Variants in HMGB4 observed in about 807,000 individuals in gnomAD.
The protein encoded by HMGB4 is high mobility group protein B4.
For synonymous variants in HMGB4, 82 were observed against 84.9 expected (o/e 0.97, Z 0.19); for missense variants, 217 against 220.4 (o/e 0.98, Z 0.10).
chr1:33,860,476 A>G (rs1336176105), upstream of HMGB4: 1 of 152,188 alleles, frequency 6.6e-6, no homozygotes, highest in Non-Finnish European at 1.5e-5. Flanking sequence ...ACTTGGTTAA[A>G]GTGGTGTCTG....
chr1:33,862,696 C>T (rs1639631541), upstream of HMGB4, among the ~76,000 whole-genome samples: 1 of 152,146 alleles, frequency 6.6e-6, no homozygotes, highest in Admixed American at 6.5e-5. Flanking sequence ...ACAACTACAG[C>T]TTGTCCCCTG....
chr1:33,864,658 A>T lies in HMGB4; in HGVS notation c.467A>T (p.Glu156Val), dbSNP rs1005321301. The T allele has an allele frequency of 6.2e-7, 1 of 1,613,994 alleles. No homozygotes were observed. The highest frequency in any genetic ancestry group is 8.5e-7 in the Non-Finnish European group (1 of 1,180,000). Residue 156 changes from glutamate to valine, a missense_variant, in exon 1 of 1, where the codon GAA becomes GTA. Physicochemically the swap from Glu to Val is moderately radical, Grantham distance 121. Coordinates refer to ENST00000681531, the MANE Select transcript of HMGB4 (RefSeq NM_001379301.1). ...VALLRAKYFE[E>V]LELYRKQCNA... ...CTCCTGAGAGCTAAGTACTTCGAGG[A>T]ACTTGAACTCTACCGTAAACAATGT...
chr1:33,863,310 C>T (rs1453030970), upstream of HMGB4: 1 of 152,136 alleles, frequency 6.6e-6, no homozygotes, highest in Non-Finnish European at 1.5e-5. Flanking sequence ...AGAAGCCGGC[C>T]AGTTTGAGTG....
chr1:33,862,343 C>CTGTGTGTGTGTGTGTGTGTGTGTGTGTG (rs10610868), upstream of HMGB4: 4 of 114,004 alleles, frequency 3.5e-5, 1 homozygote, highest in Non-Finnish European at 7.3e-5. Flanking sequence ...ATAAGCTACT[C>CTGTGTGTGTGTGTGTGTGTGTGTGTGTG]TGTGTGTGTG....
chr1:33,864,731 G>C lies in HMGB4; in HGVS notation c.540G>C (p.Gly180=). Reference sequence around the variant, plus strand: ...TGTCAGCTAGAAACCGGTGCAGAGGGAAAAGAGTCAGGCAGAGCTGATGGA... The same window carrying C: ...TGTCAGCTAGAAACCGGTGCAGAGGCAAAAGAGTCAGGCAGAGCTGATGGA... ...YRMSARNRCR[G]KRVRQS Residue 180 remains glycine, a synonymous_variant, in exon 1 of 1, where the codon GGG becomes GGC. Transcript: ENST00000681531. 1 of 1,610,858 alleles carries C rather than the reference G, an allele frequency of 6.2e-7. No homozygotes were observed. Among genetic ancestry groups the C allele is most frequent in the African/African-American group, 1.3e-5 (1 of 74,754 alleles).
At chr1:33,863,767 C>A (rs1264153156), upstream of HMGB4, 4 of 166,936 alleles carry the variant, frequency 2.4e-5, no homozygotes, top group Admixed American at 1.8e-4. Flanking sequence ...GGAAGGCAGA[C>A]CCCATGGCCT....
chr1:33,860,843 T>C (rs1213283298), upstream of HMGB4: 1 of 152,212 alleles, frequency 6.6e-6, no homozygotes, highest in African/African-American at 2.4e-5. Flanking sequence ...GTCTGGACAG[T>C]GTTTTTCAAA....
chr1:33,863,462 C>A (rs537148520), upstream of HMGB4: 4 of 152,206 alleles, frequency 2.6e-5, no homozygotes, highest in Non-Finnish European at 4.4e-5. Flanking sequence ...GTTCTCCCCC[C>A]TCTTTCGCCT....
chr1:33,863,839 G>T (rs949710035), upstream of HMGB4: 3 of 196,290 alleles, frequency 1.5e-5, no homozygotes, highest in Non-Finnish European at 3.1e-5. Context: ...CCTCCAGGAA[G>T]CCAAGGAGAA....
chr1:33,863,307 G>A (rs186295373), upstream of HMGB4: 7 of 152,274 alleles, frequency 4.6e-5, no homozygotes, highest in African/African-American at 1.2e-4. Context: ...GCCAGAAGCC[G>A]GCCAGTTTGA....
chr1:33,862,966 A>T (rs1404341727), upstream of HMGB4: 1 of 152,210 alleles, frequency 6.6e-6, no homozygotes, highest in African/African-American at 2.4e-5. Flanking sequence ...AGCTGCTGAG[A>T]CCACATATCT....
upstream of HMGB4, among the ~76,000 whole-genome samples, chr1:33,861,815 G>A (rs1298870503): frequency 6.6e-6 from 1 of 152,186 alleles, no homozygotes; most frequent in Admixed American, 6.5e-5. Flanking sequence ...GAAGGAGAGA[G>A]TCATTTAGAG....
At position 33,864,459 on chromosome 1, in the gene HMGB4, C is replaced by T. The variant is rs747612103; in HGVS notation, c.268C>T (p.Pro90Ser). The T allele has an allele frequency of 6.2e-7, 1 of 1,613,758 alleles. No homozygotes were observed. Among genetic ancestry groups the T allele is most frequent in the South Asian group, 1.1e-5 (1 of 91,080 alleles). ...GAGGAAGAAACGGAGAAAGCGGGAT[C>T]CCCAGGAACCCAGACGGCCTCCATC... ...GKRKKRRKRD[P>S]QEPRRPPSSF... Residue 90 changes from proline (P) to serine (S), a missense_variant, in exon 1 of 1, where the codon CCC becomes TCC. Physicochemically the swap from Pro to Ser is moderately conservative, Grantham distance 74 (BLOSUM62 -1). Transcript: ENST00000681531.
upstream of HMGB4, chr1:33,863,145 G>T (rs374202941): frequency 6.6e-6 from 1 of 152,156 alleles, no homozygotes; most frequent in Non-Finnish European, 1.5e-5. Context: ...ATAAATTTGG[G>T]GCTATCATCA....
In HMGB4 at chr1:33,864,713, T is replaced by C. The variant is rs775804375; in HGVS notation, c.522T>C (p.Ala174=). Residue 174 remains alanine, a synonymous_variant, in exon 1 of 1, where the codon GCT becomes GCC. Transcript: ENST00000681531. ...CCAGGAAGAAGTACCGAATGTCAGC[T>C]AGAAACCGGTGCAGAGGGAAAAGAG... The part of the protein sequence containing the change: ...CNARKKYRMS[A]RNRCRGKRVR... 6.2e-7 allele frequency: 1 copy of C among 1,612,822 alleles called. No homozygotes were observed. The highest frequency in any genetic ancestry group is 8.5e-7 in the Non-Finnish European group (1 of 1,179,654).
In HMGB4 at chr1:33,864,150, T is replaced by C. The variant is rs376031730; in HGVS notation, c.-42T>C. On this transcript the variant is annotated 5_prime_UTR_variant, in exon 1 of 1. Transcript: ENST00000681531. ...GGAGTGTGGGAACAACAGTCTCTCC[T>C]GTCCACGTTACTGAATCCAGAAAAA... 1.3e-6 allele frequency: 2 copies of C among 1,535,438 alleles called. No homozygotes were observed. Among genetic ancestry groups the C allele is most frequent in the Non-Finnish European group, 1.8e-6 (2 of 1,141,846 alleles).
chr1:33,862,341 CTCTGTGTGTG>C (rs1639584043), upstream of HMGB4: 2 of 60,724 alleles, frequency 3.3e-5, no homozygotes, highest in African/African-American at 9.2e-5. Context: ...AGATAAGCTA[CTCTGTGTGTG>C]TGTGTGTGTG....
rs200068510 is a variant in HMGB4 at position 33,864,517 on chromosome 1, C to T, written c.326C>T (p.Ala109Val). ...CTACTCTTCTGCCAAGACCACTATG[C>T]TCAGCTGAAGAGGGAGAACCCGAAC... The part of the protein sequence containing the change: ...SFLLFCQDHY[A>V]QLKRENPNWS... The change falls in exon 1 of 1, where the codon GCT (alanine) becomes GTT (valine). Residue 109 changes from alanine (A) to valine (V), a missense_variant. Ala to Val is a moderately conservative substitution (Grantham distance 64, BLOSUM62 0). Transcript: ENST00000681531. 6.2e-7 allele frequency: 1 copy of T among 1,614,122 alleles called. No individual in the cohort carries two copies. The highest frequency in any genetic ancestry group is 8.5e-7 in the Non-Finnish European group (1 of 1,180,002).
In HMGB4 at chr1:33,864,422, T is replaced by C. The variant is rs201852798; in HGVS notation, c.231T>C (p.Asn77=). The C allele has an allele frequency of 2.5e-5, 40 of 1,613,224 alleles. No individual in the cohort carries two copies. The highest frequency in any genetic ancestry group is 3.4e-6 in the Non-Finnish European group (4 of 1,179,398). ...DKARYQEEMM[N]YVGKRKKRRK... is the part of the protein sequence containing the mutation. The stretch of plus-strand genomic sequence containing the variant: ...CCCGATACCAGGAAGAAATGATGAA[T>C]TATGTTGGCAAGAGGAAGAAACGGA... The change falls in exon 1 of 1, where the codon AAT becomes AAC. Residue 77 remains asparagine (N), a synonymous_variant. Transcript: ENST00000681531.
Sources: allele counts gnomAD v4.1 joint callset (sites outside exome capture counted in the v4.1 genomes callset), GRCh38; gene constraint gnomAD v4.1.1; transcripts MANE v1.5; gene names NCBI Gene and HGNC (gene_info 2026-07-23, HGNC 2026-07-21).